Variants in SCFD2 observed in about 807,000 individuals in gnomAD.
The protein encoded by SCFD2 is sec1 family domain containing 2, also known as sec1 family domain-containing protein 2.
A neutral mutation model predicts 58.9 loss-of-function variants in SCFD2; 54 were observed. The observed-to-expected ratio is 0.92, with a 90% confidence interval of 0.74 to 1.15. The LOEUF is 1.15. Ranked by LOEUF, SCFD2 falls within the 50% of genes most tolerant of loss-of-function variation. The probability of loss-of-function intolerance (pLI) is 0.00; values close to 1 mark genes in which losing one functional copy is unlikely to be tolerated. For synonymous variants in SCFD2, 321 were observed against 335.9 expected, an observed-to-expected ratio of 0.96 and a Z score of 0.49; for missense variants, 805 against 836.6, an observed-to-expected ratio of 0.96 and a Z score of 0.47.
Position 52,931,381 on chromosome 4 carries a change from C to T in SCFD2, c.1562-10511G>A, listed in dbSNP as rs150959031. Among the ~76,000 whole-genome samples the T allele has an allele frequency of 1.4e-4, 21 of 152,076 alleles. No homozygotes were observed. The East Asian group carries it at 3.3e-3, about 24-fold the overall frequency. On this transcript the variant is annotated intron_variant, in intron 5 of 8. Coordinates refer to ENST00000401642, the MANE Select transcript of SCFD2 (RefSeq NM_152540.4). ...TGCACCTGATAGAAGAACACTATGA[C>T]GTTATTACCAACTGCTTTCGTCTTC...
At chr4:53,134,046 C>G (rs921296253) in intron 5 of SCFD2, among the ~76,000 whole-genome samples, 3 of 152,040 alleles carry the variant, frequency 2.0e-5, no homozygotes, top group African/African-American at 7.3e-5. Flanking sequence ...CATGGATGAA[C>G]CTTGAGGACA....
chr4:53,327,735 C>A lies in SCFD2; in HGVS notation c.1008-13972G>T, dbSNP rs75122148. Among the ~76,000 whole-genome samples the A allele has an allele frequency of 3.4e-4, 52 of 152,252 alleles. No homozygotes were observed. The East Asian group carries it at 3.5e-3, about 10-fold the overall frequency. On this transcript the variant is annotated intron_variant, in intron 2 of 8. Transcript: ENST00000401642. ...AAGAGGGTCAGGTTACTCAACTGTT[C>A]AAGAAGTAGTTACAAATATGCAAAG...
chr4:53,168,786 A>G (rs1241744405), intron 4 of SCFD2, among the ~76,000 whole-genome samples: 1 of 152,218 alleles, frequency 6.6e-6, no homozygotes, highest in Non-Finnish European at 1.5e-5. Context: ...TAATTTTGAA[A>G]TATATAGTAT....
At position 53,279,273 on chromosome 4, in the gene SCFD2, C is replaced by A. The variant is rs148735320; in HGVS notation, c.1136-5272G>T. On this transcript the variant is annotated intron_variant, in intron 3 of 8. Coordinates refer to ENST00000401642, the MANE Select transcript of SCFD2 (RefSeq NM_152540.4). The stretch of plus-strand genomic sequence containing the variant: ...TTTTAAAATTTGATTTTCAGTTAGG[C>A]TTTATTTTTCTTTCTTCTTATTTTT... 8.6e-3 allele frequency among the ~76,000 whole-genome samples: 1,307 copies of A among 152,192 alleles called. 13 individuals carry two copies. Among genetic ancestry groups the A allele is most frequent in the Middle Eastern group, 0.048 (14 of 294 alleles).
chr4:52,948,670 T>G (rs1720506429), intron 5 of SCFD2: 1 of 395,622 alleles, frequency 2.5e-6, no homozygotes, highest in African/African-American at 2.1e-5. Flanking sequence ...TATATATGAT[T>G]TGTTAACTCT....
intron 5 of SCFD2, among the ~76,000 whole-genome samples, chr4:52,927,114 T>C (rs980289593): frequency 2.6e-5 from 4 of 152,138 alleles, no homozygotes; most frequent in Non-Finnish European, 5.9e-5. Context: ...CCAAATAAGC[T>C]TGGACTGATG....
intron 4 of SCFD2, among the ~76,000 whole-genome samples, chr4:53,230,621 G>C (rs1471019818): frequency 7.7e-6 from 1 of 130,274 alleles, no homozygotes; most frequent in Non-Finnish European, 1.6e-5. Context: ...GGGGACTGTT[G>C]TGGGGTGGGG....
intron 2 of SCFD2, among the ~76,000 whole-genome samples, chr4:53,346,785 G>A (rs1160113848): frequency 6.6e-6 from 1 of 152,150 alleles, no homozygotes; most frequent in Non-Finnish European, 1.5e-5. Context: ...GAGGATGGAG[G>A]ACAATATAAG....
intron 4 of SCFD2, among the ~76,000 whole-genome samples, chr4:53,249,722 G>A (rs975623621): frequency 6.6e-6 from 1 of 152,090 alleles, no homozygotes; most frequent in Non-Finnish European, 1.5e-5. Context: ...ATAAGAGAAG[G>A]AGAAATAAAA....
intron 4 of SCFD2, among the ~76,000 whole-genome samples, chr4:53,212,622 T>C (rs1482975060): frequency 1.4e-5 from 2 of 138,770 alleles, no homozygotes; most frequent in Non-Finnish European, 3.1e-5. Flanking sequence ...GTGGTGTCTG[T>C]GTGTGTTGAC....
intron 2 of SCFD2, among the ~76,000 whole-genome samples, chr4:53,317,160 C>T (rs555750822): frequency 2.6e-5 from 4 of 152,028 alleles, no homozygotes; most frequent in Admixed American, 1.3e-4. Flanking sequence ...GTTCCTAATG[C>T]CTGCTTCCTG....
intron 2 of SCFD2, among the ~76,000 whole-genome samples, chr4:53,344,863 T>A (rs1734008195): frequency 6.6e-6 from 1 of 152,202 alleles, no homozygotes; most frequent in Non-Finnish European, 1.5e-5. Context: ...ATTCCCTATT[T>A]AATAAATGGT....
intron 4 of SCFD2, among the ~76,000 whole-genome samples, chr4:53,217,578 G>C (rs560984427): frequency 1.3e-5 from 2 of 152,202 alleles, no homozygotes; most frequent in East Asian, 3.9e-4. Flanking sequence ...CACACTGATG[G>C]GTCTTGACTC....
At chr4:53,356,259 A>C (rs1327347005) in intron 1 of SCFD2, among the ~76,000 whole-genome samples, 3 of 152,240 alleles carry the variant, frequency 2.0e-5, no homozygotes, top group Non-Finnish European at 2.9e-5. Context: ...GCAAAGAAAA[A>C]GATGCAATAC....
intron 5 of SCFD2, among the ~76,000 whole-genome samples, chr4:52,972,082 T>C (rs952929608): frequency 3.3e-5 from 5 of 152,108 alleles, no homozygotes; most frequent in Non-Finnish European, 7.4e-5. Flanking sequence ...GTAAAGACCA[T>C]CGAGGCTAGG....
At chr4:52,928,040 T>TA (rs1338325850) in intron 5 of SCFD2, among the ~76,000 whole-genome samples, 4 of 152,208 alleles carry the variant, frequency 2.6e-5, no homozygotes, top group Admixed American at 1.3e-4. Flanking sequence ...AGTTCTAACA[T>TA]AAAAAAATTA....
intron 4 of SCFD2, among the ~76,000 whole-genome samples, chr4:53,232,127 A>C (rs1356376160): frequency 6.6e-6 from 1 of 152,096 alleles, no homozygotes; most frequent in Non-Finnish European, 1.5e-5. Flanking sequence ...TTTTCTATTT[A>C]AAAATTATGA....
chr4:53,150,689 C>T (rs901671719), intron 4 of SCFD2, among the ~76,000 whole-genome samples: 2 of 152,212 alleles, frequency 1.3e-5, no homozygotes, highest in African/African-American at 4.8e-5. Flanking sequence ...TATTTACCTT[C>T]TCCAAGTCTC....
intron 2 of SCFD2, among the ~76,000 whole-genome samples, chr4:53,334,282 C>CTATAAAGA (rs1733601533): frequency 6.6e-6 from 1 of 152,078 alleles, no homozygotes; most frequent in African/African-American, 2.4e-5. Flanking sequence ...AATCTTGCTG[C>CTATAAAGA]TATAAAGACA....
Sources: allele counts gnomAD v4.1 joint callset (sites outside exome capture counted in the v4.1 genomes callset), GRCh38; gene constraint gnomAD v4.1.1; transcripts MANE v1.5; gene names NCBI Gene and HGNC (gene_info 2026-07-23, HGNC 2026-07-21).